The following ENTPD1 variants were observed in gnomAD, a reference collection of about 807,000 sequenced individuals.
The protein encoded by ENTPD1 is ectonucleoside triphosphate diphosphohydrolase 1.
ENTPD1 carries 33 observed loss-of-function variants against 57.0 expected under a neutral mutation model. The observed-to-expected ratio is 0.58, with a 90% CI of 0.44 to 0.77. ENTPD1 has a LOEUF of 0.77. ENTPD1 is among the 30% of genes least tolerant of loss of function. The pLI is 0.00. For missense variants in ENTPD1, 501 were observed against 603.4 expected (o/e 0.83, Z 1.78); for synonymous variants, 202 against 218.8 (o/e 0.92, Z 0.68).
chr10:95,820,894 T>C (rs1429508684), intron 1 of ENTPD1, among the ~76,000 whole-genome samples: 1 of 152,238 alleles, frequency 6.6e-6, no homozygotes, highest in Non-Finnish European at 1.5e-5. Context: ...ATGCTAAGAA[T>C]AGTGCCTGAA....
chr10:95,815,069 GA>G (rs1192116617), intron 1 of ENTPD1, among the ~76,000 whole-genome samples: 2 of 152,134 alleles, frequency 1.3e-5, no homozygotes, highest in African/African-American at 2.4e-5. Flanking sequence ...ATATAGGCAG[GA>G]AAAAACCCGC....
intron 1 of ENTPD1, among the ~76,000 whole-genome samples, chr10:95,723,166 C>A (rs759605061): frequency 2.6e-5 from 4 of 152,136 alleles, no homozygotes; most frequent in Non-Finnish European, 5.9e-5. Flanking sequence ...GTTATAGGGT[C>A]ATGGAGAAGA....
upstream of ENTPD1, among the ~76,000 whole-genome samples, chr10:95,708,186 T>G (rs1010032230): frequency 6.7e-6 from 1 of 149,510 alleles, no homozygotes; most frequent in African/African-American, 2.5e-5. Context: ...GGATTTAACT[T>G]CTTTTTTTTA....
chr10:95,843,421 G>T (rs3181129), intron 4 of ENTPD1: 102,475 of 152,126 alleles, frequency 0.67, 35,024 homozygotes, highest in Admixed American at 0.74. Flanking sequence ...TATTGAGCCC[G>T]TCCTATGTTC....
At chr10:95,863,168 G>A (rs555801966) in intron 8 of ENTPD1, among the ~76,000 whole-genome samples, 2 of 152,294 alleles carry the variant, frequency 1.3e-5, no homozygotes, top group South Asian at 4.1e-4. Flanking sequence ...AGACTGCATA[G>A]CCAATGTACA....
intron 1 of ENTPD1, among the ~76,000 whole-genome samples, chr10:95,768,506 T>TTCTCTCTC (rs5787160): frequency 6.7e-6 from 1 of 148,546 alleles, no homozygotes; most frequent in African/African-American, 2.5e-5. Context: ...TTTTCTTTCT[T>TTCTCTCTC]TCTCTCTCTC....
chr10:95,858,956 AAAAC>A (rs541585477), intron 7 of ENTPD1, among the ~76,000 whole-genome samples: 118 of 152,326 alleles, frequency 7.7e-4, no homozygotes, highest in African/African-American at 2.6e-3. Flanking sequence ...TTTCATTTCT[AAAAC>A]AAACCCTTTA....
At position 95,876,422 on chromosome 10, in the gene ENTPD1, C is replaced by T. The variant is rs1470102636; in HGVS notation, c.*10039C>T. 31 of 1,231,084 alleles carry T rather than the reference C, an allele frequency of 2.5e-5. No homozygotes were observed. The highest frequency in any genetic ancestry group is 1.9e-4 in the African/African-American group (12 of 64,344). 76.3% of individuals were successfully genotyped at this position (1,231,084 alleles called of 1,614,324 possible). A position where few individuals can be genotyped will look rare whatever the true frequency, so the allele number is the denominator to read the frequency against. ...TAAATCATAATGTTCCCTTTCTCCT[C>T]GGTTCTGCAATCTATAGGCATACCA... is the stretch of plus-strand genomic sequence containing the variant. On this transcript the variant is annotated 3_prime_UTR_variant, in exon 10 of 10. Coordinates refer to ENST00000371205, the MANE Select transcript of ENTPD1 (RefSeq NM_001776.6).
chr10:95,850,553 G>A (rs963223308), intron 7 of ENTPD1, among the ~76,000 whole-genome samples: 2 of 152,162 alleles, frequency 1.3e-5, no homozygotes, highest in East Asian at 3.8e-4. Context: ...TTTCCATGGT[G>A]TAAGTAGTTC....
chr10:95,844,903 T>C (rs1420614266), intron 5 of ENTPD1: 1 of 526,286 alleles, frequency 1.9e-6, no homozygotes, highest in Non-Finnish European at 3.4e-6. Flanking sequence ...CATTAAAAAT[T>C]AGAATAGCTA....
chr10:95,860,698 G>A (rs916623745), intron 8 of ENTPD1, 116 bp downstream of exon 8: 3 of 836,128 alleles, frequency 3.6e-6, no homozygotes, highest in Non-Finnish European at 6.0e-6. Flanking sequence ...CAGCAAATGT[G>A]TTAGAGAAGA....
chr10:95,845,504 C>G lies in ENTPD1; in HGVS notation c.721C>G (p.Leu241Val). 1 of 1,614,226 alleles carries G rather than the reference C, an allele frequency of 6.2e-7. No individual in the cohort carries two copies. Among genetic ancestry groups the G allele is most frequent in the South Asian group, 1.1e-5 (1 of 91,074 alleles). The change falls in exon 6 of 10, where the codon CTC (leucine) becomes GTC (valine). Residue 241 changes from leucine to valine, a missense_variant. Leu to Val is a conservative substitution (Grantham distance 32, BLOSUM62 1). Transcript: ENST00000371205. Reference sequence around the variant, plus strand: ...CCCAGATAATGCTCTGCAATTTCGCCTCTATGGCAAGGACTACAATGTCTA... The same window carrying G: ...CCCAGATAATGCTCTGCAATTTCGCGTCTATGGCAAGGACTACAATGTCTA... ...ESPDNALQFR[L>V]YGKDYNVYTH...
Position 95,868,577 on chromosome 10 carries a change from C to G in ENTPD1, c.*2194C>G. 3.0e-6 allele frequency: 3 copies of G among 985,358 alleles called. No individual in the cohort carries two copies. The highest frequency in any genetic ancestry group is 3.6e-6 in the Non-Finnish European group (3 of 829,920). The allele number at this position is 985,358 out of a possible 1,614,324, so 61.0% of individuals were successfully genotyped here. On this transcript the variant is annotated 3_prime_UTR_variant, in exon 10 of 10. Transcript: ENST00000371205. The stretch of plus-strand genomic sequence containing the variant: ...GCTTTTTTCCTTCTGTCTGCGTATA[C>G]AAAGCACTGTCATGCACACAATCTA...
rs550853129 is a variant in ENTPD1, at chr10:95,846,049, A to G, written c.813+453A>G. 1.8e-3 allele frequency: 363 copies of G among 201,322 alleles called. 4 individuals carry two copies. The highest frequency in any genetic ancestry group is 8.2e-3 in the African/African-American group (345 of 42,288). The allele number at this position is 201,322 out of a possible 1,614,324, so 12.5% of individuals were successfully genotyped here. On this transcript the variant is annotated intron_variant, in intron 6 of 9. Transcript: ENST00000371205. Reference sequence around the variant, plus strand: ...TTCAGGAGAAACACAAAATGTATCAATTGACACTTCAAATCTTGTCATCTT... The same window carrying G: ...TTCAGGAGAAACACAAAATGTATCAGTTGACACTTCAAATCTTGTCATCTT...
chr10:95,771,257 A>G (rs935612959), intron 1 of ENTPD1, among the ~76,000 whole-genome samples: 1 of 152,178 alleles, frequency 6.6e-6, no homozygotes, highest in Non-Finnish European at 1.5e-5. Context: ...CATTTGAGAA[A>G]CTTCCAGTTA....
chr10:95,739,636 TC>T (rs1566097291), intron 1 of ENTPD1, among the ~76,000 whole-genome samples: 9 of 152,208 alleles, frequency 5.9e-5, no homozygotes, highest in African/African-American at 2.2e-4. Flanking sequence ...TTCACTGAAG[TC>T]TTGAACCCCT....
chr10:95,842,329 T>C lies in ENTPD1; in HGVS notation c.263-15T>C. ...TTTTTTTTAAAAGATTGTTATCTTC[T>C]ACATTTTTTCCTAGGTCCTGGAATC... On this transcript the variant is annotated splice_polypyrimidine_tract_variant and intron_variant, in intron 3 of 9. Coordinates refer to ENST00000371205, the MANE Select transcript of ENTPD1 (RefSeq NM_001776.6). 6.2e-7 allele frequency: 1 copy of C among 1,606,736 alleles called. No individual in the cohort carries two copies. Among genetic ancestry groups the C allele is most frequent in the Non-Finnish European group, 8.5e-7 (1 of 1,173,416 alleles).
In ENTPD1 at chr10:95,872,662, T is replaced by A. The variant is rs1327304083; in HGVS notation, c.*6279T>A. 2.1e-6 allele frequency: 2 copies of A among 955,090 alleles called. No homozygotes were observed. The highest frequency in any genetic ancestry group is 1.2e-6 in the Non-Finnish European group (1 of 817,578). 59.2% of individuals were successfully genotyped at this position (955,090 alleles called of 1,614,324 possible). The stretch of plus-strand genomic sequence containing the variant: ...ACCTATTTCTTTCTGAAAAGTTGGA[T>A]TCAGGGATATTATCACGGACCTAAG... On this transcript the variant is annotated 3_prime_UTR_variant, in exon 10 of 10. Coordinates refer to ENST00000371205, the MANE Select transcript of ENTPD1 (RefSeq NM_001776.6).
At chr10:95,854,252 T>C (rs1217690621) in intron 7 of ENTPD1, among the ~76,000 whole-genome samples, 1 of 152,232 alleles carries the variant, frequency 6.6e-6, no homozygotes, top group Non-Finnish European at 1.5e-5. Flanking sequence ...GATGGTAGTT[T>C]GTATTTCTGT....
Sources: allele counts gnomAD v4.1 joint callset (sites outside exome capture counted in the v4.1 genomes callset), GRCh38; gene constraint gnomAD v4.1.1; transcripts MANE v1.5; gene names NCBI Gene and HGNC (gene_info 2026-07-23, HGNC 2026-07-21).